Variants in IL2RA observed in about 807,000 individuals in gnomAD.
The protein encoded by IL2RA is interleukin 2 receptor subunit alpha.
In IL2RA, 24 loss-of-function variants were observed where a neutral mutation model predicts 37.8. The observed-to-expected ratio is 0.63, with a 90% confidence interval of 0.46 to 0.89. The LOEUF is 0.89. Ranked by LOEUF, IL2RA falls within the 40% of genes least tolerant of loss-of-function variation. IL2RA has a pLI of 0.00. For missense variants in IL2RA, 319 were observed against 348.6 expected (o/e 0.92, Z 0.68); for synonymous variants, 125 against 114.6 (o/e 1.09, Z -0.58).
rs12722605 is a variant in IL2RA, at chr10:6,011,200, T to A, written c.*1672A>T. 0.11 allele frequency: 16,335 copies of A among 152,470 alleles called. 1,206 individuals carry two copies. The highest frequency in any genetic ancestry group is 0.2 in the Middle Eastern group (58 of 292). The allele number at this position is 152,470 out of a possible 1,614,324, so 9.4% of individuals were successfully genotyped here. On this transcript the variant is annotated 3_prime_UTR_variant, in exon 8 of 8. Coordinates refer to ENST00000379959, the MANE Select transcript of IL2RA (RefSeq NM_000417.3). This position sits in a 1 kb window ranked among gnomAD's most constrained non-coding sequence, Gnocchi z 5.2. ...TGTTAATCGTGTGATGTTGTTGAGC[T>A]AGAATGTTGACTCAACTGATTCGTG...
chr10:6,018,404 G>A lies in IL2RA; in HGVS notation c.728-285C>T, dbSNP rs910901275. On this transcript the variant is annotated intron_variant, in intron 6 of 7. Transcript: ENST00000379959. This position sits in a 1 kb window ranked among gnomAD's most constrained non-coding sequence, Gnocchi z 5.1. ...GCTCAGAGGCCAGGCCTCGTTTAAGGACACCGAGAGCGCCTGGTAAAAGAA... is the reference window on the plus strand; with the variant it reads ...GCTCAGAGGCCAGGCCTCGTTTAAGAACACCGAGAGCGCCTGGTAAAAGAA... Among the ~76,000 whole-genome samples the A allele has an allele frequency of 6.6e-6, 1 of 151,880 alleles. No individual in the cohort carries two copies. The highest frequency in any genetic ancestry group is 1.5e-5 in the Non-Finnish European group (1 of 67,944).
In IL2RA at chr10:6,046,809, T is replaced by C. The variant is rs138423543; in HGVS notation, c.64+15279A>G. Among the ~76,000 whole-genome samples, 1 of 152,324 alleles carries C rather than the reference T, an allele frequency of 6.6e-6. No homozygotes were observed. The highest frequency in any genetic ancestry group is 2.4e-5 in the African/African-American group (1 of 41,576). ...GGTGGGTTCTATTCTTTTCAACAGA[T>C]ACCTCAGGGTTAGTGGGGGTGAGCT... On this transcript the variant is annotated intron_variant, in intron 1 of 7. Transcript: ENST00000379959. The surrounding 1 kb of genome is among the most constrained non-coding windows in gnomAD (Gnocchi z 4.8).
intron 6 of IL2RA, 88 bp downstream of exon 6, chr10:6,019,340 C>CAACCAAAT (rs1839339319): frequency 1.0e-6 from 1 of 1,000,938 alleles, no homozygotes; most frequent in Non-Finnish European, 1.6e-6. Flanking sequence ...ACCTACCAGC[C>CAACCAAAT]AACCAACTAA....
In IL2RA at chr10:6,019,000, C is replaced by A. The variant is rs1269299080; in HGVS notation, c.727+428G>T. On this transcript the variant is annotated intron_variant, in intron 6 of 7. Transcript: ENST00000379959. The surrounding 1 kb of genome is among the most constrained non-coding windows in gnomAD (Gnocchi z 5.1). The stretch of plus-strand genomic sequence containing the variant: ...ACTACCAACCAACCTGCCAATCTAC[C>A]ACCCTAACAACCAACCTACCAACCA... 6.6e-6 allele frequency among the ~76,000 whole-genome samples: 1 copy of A among 152,096 alleles called. No homozygotes were observed. Among genetic ancestry groups the A allele is most frequent in the African/African-American group, 2.4e-5 (1 of 41,408 alleles).
In IL2RA at chr10:6,033,062, G is replaced by A. The variant is rs1402374474; in HGVS notation, c.65-7037C>T. 6.6e-6 allele frequency among the ~76,000 whole-genome samples: 1 copy of A among 152,148 alleles called. No homozygotes were observed. The highest frequency in any genetic ancestry group is 1.5e-5 in the Non-Finnish European group (1 of 68,030). On this transcript the variant is annotated intron_variant, in intron 1 of 7. Transcript: ENST00000379959. This position sits in a 1 kb window ranked among gnomAD's most constrained non-coding sequence, Gnocchi z 4.3. ...TGTTACTGGTGGCAGTGTAAGTAATGTAATTACTTTGGAACACTATCTGAA... is the reference window on the plus strand; with the variant it reads ...TGTTACTGGTGGCAGTGTAAGTAATATAATTACTTTGGAACACTATCTGAA...
At chr10:6,013,060 C>T (rs1839216278) in intron 7 of IL2RA, among the ~76,000 whole-genome samples, 164 bp from the exon 8 acceptor site, 1 of 152,182 alleles carries the variant, frequency 6.6e-6, no homozygotes, top group Non-Finnish European at 1.5e-5. Context: ...GAACTCCTGA[C>T]CTTGTGATCT....
In IL2RA at chr10:6,019,934, C is replaced by T. The variant is rs1247762927; in HGVS notation, c.591G>A (p.Glu197=). The change falls in exon 5 of 8, where the codon GAG becomes GAA. Residue 197 remains glutamate, a synonymous_variant. Transcript: ENST00000379959. Reference sequence around the variant, plus strand: ...GGCCTTCGGGGCTTGCCTGAGGCTTCTCTTCACCTGGGGGAGAGAGTAAGT... The same window carrying T: ...GGCCTTCGGGGCTTGCCTGAGGCTTTTCTTCACCTGGGGGAGAGAGTAAGT... ...EMETSQFPGE[E]KPQASPEGRP... is the part of the protein sequence containing the mutation. 1.2e-6 allele frequency: 2 copies of T among 1,613,986 alleles called. No homozygotes were observed. Among genetic ancestry groups the T allele is most frequent in the Non-Finnish European group, 1.7e-6 (2 of 1,179,820 alleles).
In IL2RA at chr10:6,047,067, C is replaced by T. The variant is rs868142306; in HGVS notation, c.64+15021G>A. Among the ~76,000 whole-genome samples, 1 of 152,228 alleles carries T rather than the reference C, an allele frequency of 6.6e-6. No homozygotes were observed. The highest frequency in any genetic ancestry group is 2.4e-5 in the African/African-American group (1 of 41,460). On this transcript the variant is annotated intron_variant, in intron 1 of 7. Coordinates refer to ENST00000379959, the MANE Select transcript of IL2RA (RefSeq NM_000417.3). This position sits in a 1 kb window ranked among gnomAD's most constrained non-coding sequence, Gnocchi z 5.0. ...TAGGACTGAAAGGGACAAAGACCCT[C>T]TCCATGTCTCTGCATGCTTGCATGG... is the stretch of plus-strand genomic sequence containing the variant.
At chr10:6,052,443 C>T (rs971674843) in intron 1 of IL2RA, among the ~76,000 whole-genome samples, 1 of 152,206 alleles carries the variant, frequency 6.6e-6, no homozygotes, top group African/African-American at 2.4e-5. Context: ...TGACACATAG[C>T]AGTTCCTCAA....
rs1298184212 is a variant in IL2RA at position 6,029,756 on chromosome 10, G to A, written c.65-3731C>T. Among the ~76,000 whole-genome samples, 4 of 152,054 alleles carry A rather than the reference G, an allele frequency of 2.6e-5. No individual in the cohort carries two copies. Among genetic ancestry groups the A allele is most frequent in the Non-Finnish European group, 5.9e-5 (4 of 68,022 alleles). ...GTCTTGCTCTGTTGCCCAGGCTGGA[G>A]TGCAGTGGCACAATCTTGGCTCACT... On this transcript the variant is annotated intron_variant, in intron 1 of 7. Coordinates refer to ENST00000379959, the MANE Select transcript of IL2RA (RefSeq NM_000417.3). The surrounding 1 kb of genome is among the most constrained non-coding windows in gnomAD (Gnocchi z 4.6).
Position 6,035,044 on chromosome 10 carries a change from T to C in IL2RA, c.65-9019A>G, listed in dbSNP as rs973200176. Among the ~76,000 whole-genome samples the C allele has an allele frequency of 6.6e-6, 1 of 152,130 alleles. No homozygotes were observed. The highest frequency in any genetic ancestry group is 6.5e-5 in the Admixed American group (1 of 15,272). On this transcript the variant is annotated intron_variant, in intron 1 of 7. Coordinates refer to ENST00000379959, the MANE Select transcript of IL2RA (RefSeq NM_000417.3). The surrounding 1 kb of genome is among the most constrained non-coding windows in gnomAD (Gnocchi z 5.4). ...AATTCGGGAGTTGGAGGTGGGGGTG[T>C]AGGGTGGTAAACACTCAAGGCTTAG...
intron 1 of IL2RA, among the ~76,000 whole-genome samples, chr10:6,060,323 G>C (rs1394063498): frequency 6.6e-6 from 1 of 152,130 alleles, no homozygotes; most frequent in African/African-American, 2.4e-5. Context: ...ACATGCTCAG[G>C]TGATGGGTGC....
intron 1 of IL2RA, among the ~76,000 whole-genome samples, chr10:6,043,153 G>T (rs1299882499): frequency 6.6e-6 from 1 of 152,098 alleles, no homozygotes; most frequent in Non-Finnish European, 1.5e-5. Flanking sequence ...GCATTATCAA[G>T]AACTCTGTAT....
intron 1 of IL2RA, among the ~76,000 whole-genome samples, chr10:6,059,081 G>C (rs1302064619): frequency 6.6e-6 from 1 of 152,252 alleles, no homozygotes; most frequent in Admixed American, 6.5e-5. Flanking sequence ...GAAAAAGTCT[G>C]TGATGAGATG....
At chr10:6,060,520 G>T (rs1419558266) in intron 1 of IL2RA, among the ~76,000 whole-genome samples, 1 of 152,188 alleles carries the variant, frequency 6.6e-6, no homozygotes, top group Admixed American at 6.5e-5. Flanking sequence ...ACTTTGGGAG[G>T]CCATGGCTGG....
intron 1 of IL2RA, among the ~76,000 whole-genome samples, chr10:6,026,291 A>G (rs542165254): frequency 6.6e-6 from 1 of 152,358 alleles, no homozygotes; most frequent in South Asian, 2.1e-4. Context: ...ACAAGGTTTT[A>G]TTCCGAATAT....
chr10:6,040,075 T>C (rs943128436), intron 1 of IL2RA, among the ~76,000 whole-genome samples: 2 of 152,168 alleles, frequency 1.3e-5, no homozygotes, highest in African/African-American at 4.8e-5. Context: ...GCATGAATCG[T>C]GAGGGTATGA....
chr10:6,025,928 A>G lies in IL2RA; in HGVS notation c.162T>C (p.Gly54=). Residue 54 remains glycine, a synonymous_variant, in exon 2 of 8, where the codon GGT becomes GGC. Transcript: ENST00000379959. The surrounding 1 kb of genome is among the most constrained non-coding windows in gnomAD (Gnocchi z 4.4). The stretch of plus-strand genomic sequence containing the variant: ...GTGACCCGCTTTTTATTCTGCGGAA[A>G]CCTCTCTTGCATTCACAGTTCAACA... ...GTMLNCECKR[G]FRRIKSGSLY... 3.1e-6 allele frequency: 5 copies of G among 1,613,380 alleles called. No homozygotes were observed. The highest frequency in any genetic ancestry group is 4.2e-6 in the Non-Finnish European group (5 of 1,179,876).
intron 1 of IL2RA, among the ~76,000 whole-genome samples, chr10:6,059,928 C>G (rs1840098428): frequency 6.6e-6 from 1 of 152,152 alleles, no homozygotes. Context: ...GACTATATCT[C>G]CCTCATTTTT....
Sources: gnomAD v4.1 joint callset for allele counts (sites outside exome capture counted in the v4.1 genomes callset) on GRCh38, gnomAD v4.1.1 for gene constraint, Gnocchi (gnomAD v3.1) non-coding constraint, MANE v1.5 for transcripts, NCBI Gene and HGNC (gene_info 2026-07-23, HGNC 2026-07-21) for gene names.